The following DNAH7 variants were observed in gnomAD, a reference collection of about 807,000 sequenced individuals.
DNAH7 encodes the protein axonemal beta dynein heavy chain 7.
A neutral mutation model predicts 444.6 loss-of-function variants in DNAH7; 397 were observed. That is an observed-to-expected ratio of 0.89 (90% CI 0.82 to 0.97). DNAH7 has a LOEUF of 0.97. Ranked by LOEUF, DNAH7 falls within the 50% of genes least tolerant of loss-of-function variation. The pLI is 0.00. For missense variants in DNAH7, 4,902 were observed against 4,800.8 expected (o/e 1.02, Z -0.62); for synonymous variants, 1,636 against 1,624.4 (o/e 1.01, Z -0.17).
chr2:196,061,543 ACC>A, intron 1 of DNAH7, among the ~76,000 whole-genome samples: 1 of 152,192 alleles, frequency 6.6e-6, no homozygotes, highest in Admixed American at 6.5e-5. Context: ...AATCCCTGGT[ACC>A]ATCCTTGATT....
intron 24 of DNAH7, among the ~76,000 whole-genome samples, chr2:195,916,920 A>T (rs1687717379): frequency 6.6e-6 from 1 of 151,534 alleles, no homozygotes; most frequent in African/African-American, 2.4e-5. Flanking sequence ...TAACATGGTG[A>T]AACCCCGTCT....
rs890600522 is a variant in DNAH7, at chr2:195,756,068, C to A, written c.11586+65G>T. On this transcript the variant is annotated intron_variant, in intron 62 of 64. Transcript: ENST00000312428. ...AGAGAGTAATACTCATTACATTAAG[C>A]ATTCTGACGAAGAAAATGAAACCAG... 11 of 1,496,396 alleles carry A rather than the reference C, an allele frequency of 7.4e-6. No homozygotes were observed. The African/African-American group carries it at 1.3e-4, about 17-fold the overall frequency. The allele number at this position is 1,496,396 out of a possible 1,614,324, so 92.7% of individuals were successfully genotyped here.
At position 195,864,823 on chromosome 2, in the gene DNAH7, T is replaced by C. The variant is rs1368066382; in HGVS notation, c.6832A>G (p.Arg2278Gly). The change falls in exon 41 of 65, where the codon AGG (arginine) becomes GGG (glycine). Residue 2278 changes from arginine to glycine, a missense_variant. Physicochemically the swap from Arg to Gly is moderately radical, Grantham distance 125. Coordinates refer to ENST00000312428, the MANE Select transcript of DNAH7 (RefSeq NM_018897.3). ...ATTTCTCTGTAGTTGGTATCCTCCC[T>C]CTTGGGATCATGGAAATCACAAAAC... ...LMFCDFHDPKREDTNYREIAD... is the reference protein window; with the variant it reads ...LMFCDFHDPKGEDTNYREIAD... The C allele has an allele frequency of 1.9e-6, 3 of 1,614,108 alleles. No individual in the cohort carries two copies. Among genetic ancestry groups the C allele is most frequent in the African/African-American group, 1.3e-5 (1 of 74,948 alleles).
chr2:195,883,288 A>G (rs1415053617), intron 35 of DNAH7, among the ~76,000 whole-genome samples: 1 of 152,120 alleles, frequency 6.6e-6, no homozygotes. Context: ...TCTACTAAAA[A>G]TACAAAAAAT....
At chr2:195,999,253 A>G in intron 12 of DNAH7, 1 of 713,824 alleles carries the variant, frequency 1.4e-6, no homozygotes. Context: ...CTGTAGAGGA[A>G]AAAAACAAAA....
rs753257114 is a variant in DNAH7 at position 196,022,110 on chromosome 2, G to A, written c.743+2319C>T. Among the ~76,000 whole-genome samples, 4 of 152,230 alleles carry A rather than the reference G, an allele frequency of 2.6e-5. No homozygotes were observed. In the South Asian group the frequency reaches 8.3e-4, roughly 32 times the overall value. ...CCACTGCACTCCAGCCTGGGCAAGAGAGTGAGACCCTGTCTCGGGAAAAAA... is the reference window on the plus strand; with the variant it reads ...CCACTGCACTCCAGCCTGGGCAAGAAAGTGAGACCCTGTCTCGGGAAAAAA... On this transcript the variant is annotated intron_variant, in intron 8 of 64. Transcript: ENST00000312428.
chr2:195,875,179 C>T (rs62201527), intron 38 of DNAH7, among the ~76,000 whole-genome samples: 23,734 of 152,084 alleles, frequency 0.16, 2,248 homozygotes, highest in African/African-American at 0.26. Context: ...TTCTCAGCAG[C>T]CTGTTTAAAT....
At chr2:195,979,292 A>G (rs1449788672) in intron 15 of DNAH7, among the ~76,000 whole-genome samples, 1 of 152,192 alleles carries the variant, frequency 6.6e-6, no homozygotes, top group African/African-American at 2.4e-5. Context: ...CCACAATGGA[A>G]TAAAACAAGA....
In DNAH7 at chr2:196,030,418, T is replaced by C. The variant is rs1390499189; in HGVS notation, c.399-2371A>G. 2.0e-5 allele frequency among the ~76,000 whole-genome samples: 3 copies of C among 152,180 alleles called. No individual in the cohort carries two copies. In the East Asian group the frequency reaches 5.8e-4, roughly 29 times the overall value. ...GGCACAGAGCCAAGCCATATCATTC[T>C]ACCCCTGGCCCCTCCAAATCTCATG... On this transcript the variant is annotated intron_variant, in intron 5 of 64. Coordinates refer to ENST00000312428, the MANE Select transcript of DNAH7 (RefSeq NM_018897.3).
intron 21 of DNAH7, among the ~76,000 whole-genome samples, chr2:195,931,489 T>C (rs1688693602): frequency 6.6e-6 from 1 of 151,898 alleles, no homozygotes; most frequent in South Asian, 2.1e-4. Context: ...AGACATGAAG[T>C]CCTTGCCCAT....
In DNAH7 at chr2:195,922,131, A is replaced by T; in HGVS notation, c.3892T>A (p.Ser1298Thr). 6.2e-7 allele frequency: 1 copy of T among 1,613,140 alleles called. No homozygotes were observed. Among genetic ancestry groups the T allele is most frequent in the Non-Finnish European group, 8.5e-7 (1 of 1,179,134 alleles). The change falls in exon 24 of 65, where the codon TCC (serine) becomes ACC (threonine). Residue 1298 changes from serine to threonine, a missense_variant. Coordinates refer to ENST00000312428, the MANE Select transcript of DNAH7 (RefSeq NM_018897.3). ...LRYGYEYLGN[S>T]PRLVITPLTD... Reference sequence around the variant, plus strand: ...AGTGGTGTAATAACCAGCCTAGGGGAATTACCCAGATATTCATATCCATAT... The same window carrying T: ...AGTGGTGTAATAACCAGCCTAGGGGTATTACCCAGATATTCATATCCATAT...
chr2:195,886,295 G>A (rs764565107), intron 33 of DNAH7, 23 bp from the exon 34 acceptor site: 9 of 1,601,238 alleles, frequency 5.6e-6, no homozygotes, highest in Non-Finnish European at 7.7e-6. Flanking sequence ...TAAGAAAAAT[G>A]ACTAAACAAT....
In DNAH7 at chr2:195,934,621, T is replaced by G. The variant is rs901180663; in HGVS notation, c.3441A>C (p.Leu1147Phe). Residue 1147 changes from leucine (L) to phenylalanine (F), a missense_variant, in exon 21 of 65, where the codon TTA (leucine) becomes TTC (phenylalanine). By Grantham distance (22) the Leu-to-Phe change is conservative. Coordinates refer to ENST00000312428, the MANE Select transcript of DNAH7 (RefSeq NM_018897.3). Reference protein sequence around the residue: ...RGQVEKWLVELERVMINSIHK... With the variant: ...RGQVEKWLVEFERVMINSIHK... ...GGATGGAGTTAATCATAACTCTCTC[T>G]AATTCAACCAACCACTTCTCCACTT... The G allele has an allele frequency of 1.9e-6, 3 of 1,614,036 alleles. No homozygotes were observed. Among genetic ancestry groups the G allele is most frequent in the Admixed American group, 1.7e-5 (1 of 59,984 alleles).
intron 48 of DNAH7, among the ~76,000 whole-genome samples, chr2:195,831,045 T>C (rs1698042371): frequency 6.6e-6 from 1 of 152,112 alleles, no homozygotes; most frequent in African/African-American, 2.4e-5. Context: ...AAAAGTAAAG[T>C]GCTGGGAGAT....
chr2:195,886,567 A>G (rs954044457), intron 33 of DNAH7, among the ~76,000 whole-genome samples: 4 of 152,190 alleles, frequency 2.6e-5, no homozygotes, highest in African/African-American at 9.7e-5. Context: ...ATAAATAAAA[A>G]CACTAAAAAA....
At chr2:195,934,927 C>A in intron 20 of DNAH7, 138 bp from the exon 21 acceptor site, 1 of 866,384 alleles carries the variant, frequency 1.2e-6, no homozygotes, top group South Asian at 1.8e-5. Context: ...ACCCCCAAAA[C>A]AAACAAACAA....
chr2:195,842,763 T>C (rs1306856278), intron 47 of DNAH7, among the ~76,000 whole-genome samples: 3 of 152,182 alleles, frequency 2.0e-5, no homozygotes, highest in African/African-American at 7.2e-5. Flanking sequence ...CTGAATGGTT[T>C]AGAATCTTAT....
chr2:195,937,319 G>C (rs1373457452), intron 19 of DNAH7, among the ~76,000 whole-genome samples: 1 of 152,094 alleles, frequency 6.6e-6, no homozygotes, highest in Non-Finnish European at 1.5e-5. Context: ...AATGACCCTT[G>C]AAACTACTTT....
chr2:195,754,665 C>A (rs910657392), intron 62 of DNAH7, 151 bp from the exon 63 acceptor site: 2 of 702,982 alleles, frequency 2.8e-6, no homozygotes, highest in Non-Finnish European at 4.6e-6. Flanking sequence ...CACATACCAC[C>A]ATGCCTGGCT....
Sources: gnomAD v4.1 joint callset for allele counts (sites outside exome capture counted in the v4.1 genomes callset) on GRCh38, gnomAD v4.1.1 for gene constraint, MANE v1.5 for transcripts, NCBI Gene and HGNC (gene_info 2026-07-23, HGNC 2026-07-21) for gene names.